CHCHD6: variants seen among roughly 807,000 people sequenced by gnomAD.
The protein encoded by CHCHD6 is coiled-coil-helix-coiled-coil-helix domain containing 6.
A neutral mutation model predicts 32.3 loss-of-function variants in CHCHD6; 28 were observed. The observed-to-expected ratio is 0.87, with a 90% CI of 0.64 to 1.19. CHCHD6 has a LOEUF of 1.19. CHCHD6 is among the 50% of genes most tolerant of loss of function. The pLI, the probability that CHCHD6 is intolerant of heterozygous loss-of-function variation, is 0.00. For synonymous variants in CHCHD6, 122 were observed against 117.5 expected (o/e 1.04, Z -0.25); for missense variants, 333 against 307.0 (o/e 1.08, Z -0.63).
rs1383775066 is a variant in CHCHD6 at position 126,852,749 on chromosome 3, T to G, written c.495+19T>G. The G allele has an allele frequency of 1.9e-6, 3 of 1,572,750 alleles. No individual in the cohort carries two copies. Among genetic ancestry groups the G allele is most frequent in the Non-Finnish European group, 2.6e-6 (3 of 1,143,178 alleles). Reference sequence around the variant, plus strand: ...GAGGAAGGTAAGACTCCTGCTTGGCTGCATTCCTCGGGGCCAGGTCCTAAA... The same window carrying G: ...GAGGAAGGTAAGACTCCTGCTTGGCGGCATTCCTCGGGGCCAGGTCCTAAA... On this transcript the variant is annotated intron_variant, in intron 5 of 7. Coordinates refer to ENST00000290913, the MANE Select transcript of CHCHD6 (RefSeq NM_032343.3).
intron 5 of CHCHD6, among the ~76,000 whole-genome samples, chr3:126,870,125 A>G (rs1338207085): frequency 6.6e-6 from 1 of 152,128 alleles, no homozygotes; most frequent in Non-Finnish European, 1.5e-5. Context: ...TCAATTCCTC[A>G]TTCTTAATGG....
chr3:126,806,290 G>T (rs1033228385), intron 4 of CHCHD6, among the ~76,000 whole-genome samples: 1 of 152,042 alleles, frequency 6.6e-6, no homozygotes, highest in South Asian at 2.1e-4. Context: ...GAAAATTTTC[G>T]CACCCTACTC....
intron 4 of CHCHD6, among the ~76,000 whole-genome samples, chr3:126,812,309 A>G (rs560177219): frequency 1.9e-5 from 2 of 102,794 alleles, no homozygotes; most frequent in East Asian, 6.2e-4. Context: ...TCTTTAGTCC[A>G]TGTGTGTTTT....
intron 4 of CHCHD6, among the ~76,000 whole-genome samples, chr3:126,774,260 A>G (rs73201782): frequency 0.091 from 13,791 of 152,266 alleles, 801 homozygotes; most frequent in Middle Eastern, 0.21. Context: ...CAAGATACAG[A>G]GACTGTTCAG....
rs146096761 is a variant in CHCHD6 at position 126,832,486 on chromosome 3, A to G, written c.412-20161A>G. ...GTAGCTGCTTTTGAATATTTGTGGA[A>G]TAGATGATGAAAGCTGGCAAGATCC... On this transcript the variant is annotated intron_variant, in intron 4 of 7. Coordinates refer to ENST00000290913, the MANE Select transcript of CHCHD6 (RefSeq NM_032343.3). 2.6e-3 allele frequency among the ~76,000 whole-genome samples: 391 copies of G among 152,234 alleles called. 1 individual carries two copies. Among genetic ancestry groups the G allele is most frequent in the African/African-American group, 8.9e-3 (371 of 41,540 alleles).
At chr3:126,936,578 C>T (rs531957120) in intron 6 of CHCHD6, among the ~76,000 whole-genome samples, 6 of 152,160 alleles carry the variant, frequency 3.9e-5, no homozygotes, top group African/African-American at 1.4e-4. Flanking sequence ...CTTTTTGAGA[C>T]AGAGTCTTGC....
intron 4 of CHCHD6, among the ~76,000 whole-genome samples, chr3:126,768,829 A>AT (rs1005856257): frequency 1.8e-4 from 28 of 152,186 alleles, no homozygotes; most frequent in African/African-American, 6.3e-4. Context: ...GATGTTGAGC[A>AT]TTTTTTCATA....
chr3:126,863,323 T>TCCTCCTCCTCCATCACCA (rs1559888556), intron 5 of CHCHD6, among the ~76,000 whole-genome samples: 5 of 76,036 alleles, frequency 6.6e-5, no homozygotes, highest in African/African-American at 4.4e-4. Flanking sequence ...CATCACCACC[T>TCCTCCTCCTCCATCACCA]CCTCCTCCTC....
chr3:126,856,049 C>T (rs886464785), intron 5 of CHCHD6, among the ~76,000 whole-genome samples: 2 of 152,168 alleles, frequency 1.3e-5, no homozygotes, highest in African/African-American at 2.4e-5. Flanking sequence ...CTCTTGGCTT[C>T]CTTAGGCCAC....
intron 4 of CHCHD6, among the ~76,000 whole-genome samples, chr3:126,773,335 G>A (rs369603714): frequency 5.9e-5 from 9 of 152,128 alleles, no homozygotes; most frequent in Non-Finnish European, 8.8e-5. Flanking sequence ...TCAGGCAGCC[G>A]TCAGACAGGT....
intron 4 of CHCHD6, among the ~76,000 whole-genome samples, chr3:126,796,351 A>T (rs114373095): frequency 0.03 from 4,550 of 152,228 alleles, 98 homozygotes; most frequent in Non-Finnish European, 0.039. Context: ...GACCCTGTCA[A>T]TCAGTTAATC....
chr3:126,852,662 A>G lies in CHCHD6; in HGVS notation c.427A>G (p.Ser143Gly). 1 of 1,613,622 alleles carries G rather than the reference A, an allele frequency of 6.2e-7. No homozygotes were observed. Among genetic ancestry groups the G allele is most frequent in the East Asian group, 2.2e-5 (1 of 44,842 alleles). Reference sequence around the variant, plus strand: ...TTCCAAGCAGGCCAGGGAGCTGGAGAGCAGAGAGGCAGAGCTAAGACGCCG... The same window carrying G: ...TTCCAAGCAGGCCAGGGAGCTGGAGGGCAGAGAGGCAGAGCTAAGACGCCG... ...KSVRLARELESREAELRRRDT... is the reference protein window; with the variant it reads ...KSVRLARELEGREAELRRRDT... Residue 143 changes from serine to glycine, a missense_variant, in exon 5 of 8, where the codon AGC (serine) becomes GGC (glycine). Physicochemically the swap from Ser to Gly is moderately conservative, Grantham distance 56. Transcript: ENST00000290913.
At chr3:126,709,308 G>A (rs1005312024) in intron 1 of CHCHD6, among the ~76,000 whole-genome samples, 1 of 152,186 alleles carries the variant, frequency 6.6e-6, no homozygotes, top group African/African-American at 2.4e-5. Flanking sequence ...TATATCAGTA[G>A]TCCATCCTTT....
intron 4 of CHCHD6, among the ~76,000 whole-genome samples, chr3:126,737,399 T>TATAC (rs1214734113): frequency 1.4e-5 from 2 of 140,902 alleles, no homozygotes; most frequent in South Asian, 2.1e-4. Context: ...AGTATATATA[T>TATAC]ATATATATAT....
intron 5 of CHCHD6, among the ~76,000 whole-genome samples, chr3:126,894,845 G>A (rs1296273908): frequency 6.6e-6 from 1 of 152,196 alleles, no homozygotes; most frequent in African/African-American, 2.4e-5. Flanking sequence ...GCAAAGACAT[G>A]TGCAACAAAA....
chr3:126,819,688 GC>G (rs2107535638), intron 4 of CHCHD6, among the ~76,000 whole-genome samples: 1 of 152,298 alleles, frequency 6.6e-6, no homozygotes, highest in Non-Finnish European at 1.5e-5. Context: ...AAGACTCTTG[GC>G]AAATAGGTCT....
chr3:126,896,565 C>G (rs570864770), intron 5 of CHCHD6, among the ~76,000 whole-genome samples: 1 of 152,344 alleles, frequency 6.6e-6, no homozygotes, highest in East Asian at 1.9e-4. Context: ...CTTCCTCTTG[C>G]ATTACCTCCA....
intron 5 of CHCHD6, among the ~76,000 whole-genome samples, chr3:126,902,716 C>CAAA (rs748684166): frequency 3.1e-5 from 3 of 95,614 alleles, no homozygotes; most frequent in African/African-American, 3.8e-5. Context: ...GACTCCATCT[C>CAAA]AAAAAAAAAA....
At chr3:126,937,947 G>A (rs2078505539) in intron 6 of CHCHD6, among the ~76,000 whole-genome samples, 1 of 152,172 alleles carries the variant, frequency 6.6e-6, no homozygotes, top group Admixed American at 6.5e-5. Flanking sequence ...AGAATCCTGA[G>A]GGATGCCTTT....
Sources: gnomAD v4.1 joint callset for allele counts (sites outside exome capture counted in the v4.1 genomes callset) on GRCh38, gnomAD v4.1.1 for gene constraint, MANE v1.5 for transcripts, NCBI Gene and HGNC (gene_info 2026-07-23, HGNC 2026-07-21) for gene names.